Variants in PDPR observed in about 807,000 individuals in gnomAD.
PDPR encodes the protein pyruvate dehydrogenase phosphatase regulatory subunit.
A neutral mutation model predicts 102.2 loss-of-function variants in PDPR; 50 were observed. That is an observed-to-expected ratio of 0.49 (90% CI 0.39 to 0.62). The LOEUF is 0.62. PDPR is among the 20% of genes least tolerant of loss of function. The pLI, the probability that PDPR is intolerant of heterozygous loss-of-function variation, is 0.00. For missense variants in PDPR, 625 were observed against 1,098.2 expected, an observed-to-expected ratio of 0.57 and a Z score of 6.09; for synonymous variants, 259 against 406.0, an observed-to-expected ratio of 0.64 and a Z score of 4.35.
At chr16:70,153,963 A>T (rs1218341455) in intron 18 of PDPR, among the ~76,000 whole-genome samples, 2 of 152,092 alleles carry the variant, frequency 1.3e-5, no homozygotes, top group East Asian at 3.9e-4. Context: ...GCGGATCACA[A>T]GTTCAGGAGA....
At chr16:70,153,339 A>G (rs1966844800) in intron 17 of PDPR, 52 bp from the exon 18 acceptor site, 2 of 1,554,986 alleles carry the variant, frequency 1.3e-6, no homozygotes, top group African/African-American at 1.4e-5. Flanking sequence ...GACATGCTCC[A>G]TGCTTAATTC....
intron 3 of PDPR, among the ~76,000 whole-genome samples, chr16:70,123,481 G>A (rs959580898): frequency 5.3e-5 from 8 of 152,188 alleles, no homozygotes; most frequent in African/African-American, 1.9e-4. Flanking sequence ...CAAGTGATCC[G>A]CCCACCTCAA....
In PDPR at chr16:70,156,886, C is replaced by G; in HGVS notation, c.*7C>G. The stretch of plus-strand genomic sequence containing the variant: ...TGACTTACATGGGAAGTGATGCCAC[C>G]AGGGCAGCCTCACCTCCTCCCCATC... On this transcript the variant is annotated 3_prime_UTR_variant, in exon 19 of 19. Transcript: ENST00000288050. 1 of 1,612,056 alleles carries G rather than the reference C, an allele frequency of 6.2e-7. No individual in the cohort carries two copies. The highest frequency in any genetic ancestry group is 8.5e-7 in the Non-Finnish European group (1 of 1,179,008).
intron 3 of PDPR, among the ~76,000 whole-genome samples, chr16:70,124,252 A>G (rs575331691): frequency 1.3e-5 from 2 of 152,332 alleles, no homozygotes; most frequent in South Asian, 4.1e-4. Context: ...AATTGTAGCT[A>G]CTCAGGAGGC....
In PDPR at chr16:70,161,402, C is replaced by T. The variant is rs1321624682; in HGVS notation, c.*4523C>T. On this transcript the variant is annotated 3_prime_UTR_variant, in exon 19 of 19. Coordinates refer to ENST00000288050, the MANE Select transcript of PDPR (RefSeq NM_017990.5). ...CCATCCCCCACACACCCCTCACGAA[C>T]ATTGATATAAGCAGTATTAACACAG... The T allele has an allele frequency of 6.5e-6, 1 of 153,614 alleles. No individual in the cohort carries two copies. The highest frequency in any genetic ancestry group is 1.4e-5 in the Non-Finnish European group (1 of 69,188). 9.5% of individuals were successfully genotyped at this position (153,614 alleles called of 1,614,324 possible). A position where few individuals can be genotyped will look rare whatever the true frequency, so the allele number is the denominator to read the frequency against.
chr16:70,132,739 T>C (rs1435931907), intron 9 of PDPR, among the ~76,000 whole-genome samples: 1 of 152,186 alleles, frequency 6.6e-6, no homozygotes. Flanking sequence ...CCCTTTCACC[T>C]TGGCCTCCCA....
In PDPR at chr16:70,159,078, A is replaced by G. The variant is rs1339744333; in HGVS notation, c.*2199A>G. ...TAGTTTAAAATCGAATAGTGCCATC[A>G]TCACAGTATATTAGTCAAATAGAAG... On this transcript the variant is annotated 3_prime_UTR_variant, in exon 19 of 19. Transcript: ENST00000288050. 1.3e-5 allele frequency: 2 copies of G among 152,364 alleles called. No homozygotes were observed. Among genetic ancestry groups the G allele is most frequent in the Non-Finnish European group, 2.9e-5 (2 of 68,084 alleles). The allele number at this position is 152,364 out of a possible 1,614,324, so 9.4% of individuals were successfully genotyped here.
intron 9 of PDPR, among the ~76,000 whole-genome samples, chr16:70,135,304 T>A (rs554870879): frequency 2.3e-3 from 349 of 151,836 alleles, no homozygotes; most frequent in African/African-American, 8.2e-3. Context: ...TGTCACGATC[T>A]CTGCTCACTT....
chr16:70,133,088 G>A (rs1174880530), intron 9 of PDPR, among the ~76,000 whole-genome samples: 1 of 149,202 alleles, frequency 6.7e-6, no homozygotes, highest in Admixed American at 6.8e-5. Flanking sequence ...GTGATTACGG[G>A]CATGAGCCAT....
chr16:70,135,211 C>A (rs1275634740), intron 9 of PDPR, among the ~76,000 whole-genome samples: 1 of 151,462 alleles, frequency 6.6e-6, no homozygotes, highest in Non-Finnish European at 1.5e-5. Context: ...CTGTCTTTTG[C>A]AGCTATTCCA....
chr16:70,150,276 G>A (rs1187715387), intron 17 of PDPR, among the ~76,000 whole-genome samples: 4 of 151,754 alleles, frequency 2.6e-5, no homozygotes, highest in African/African-American at 9.7e-5. Context: ...ACTAATTTTT[G>A]TATTTTTAGT....
chr16:70,130,311 T>A (rs1285494066), intron 6 of PDPR, 112 bp from the exon 7 acceptor site: 3 of 1,205,682 alleles, frequency 2.5e-6, no homozygotes, highest in Admixed American at 2.7e-5. Flanking sequence ...AAAAATAAAT[T>A]AAAGCATTGA....
chr16:70,129,165 A>G, intron 6 of PDPR, 43 bp downstream of exon 6: 1 of 1,613,718 alleles, frequency 6.2e-7, no homozygotes, highest in Non-Finnish European at 8.5e-7. Context: ...TTAGCAGGGA[A>G]GACATTACCT....
intron 18 of PDPR, 178 bp from the exon 19 acceptor site, chr16:70,156,297 T>C (rs1323817608): frequency 1.4e-6 from 1 of 725,030 alleles, no homozygotes; most frequent in Non-Finnish European, 2.2e-6. Flanking sequence ...TCTTTTATAT[T>C]TCACATGCAG....
chr16:70,153,611 C>T (rs760308512), intron 18 of PDPR, 38 bp downstream of exon 18: 33 of 1,543,416 alleles, frequency 2.1e-5, no homozygotes, highest in Non-Finnish European at 2.9e-5. Flanking sequence ...CACTCAGCAT[C>T]CCGAGTAGTG....
Position 70,154,155 on chromosome 16 carries a change from CAA to C in PDPR, c.2235+594_2235+595del, listed in dbSNP as rs373174907. On this transcript the variant is annotated intron_variant, in intron 18 of 18. Coordinates refer to ENST00000288050, the MANE Select transcript of PDPR (RefSeq NM_017990.5). ...TGGGCGACAGAGCGAGACTCCGTCT[CAA>C]AAAAAAAAAAATTTACAAAAAGTAG... Among the ~76,000 whole-genome samples the C allele has an allele frequency of 4.5e-3, 674 of 148,484 alleles. 5 individuals carry two copies. The highest frequency in any genetic ancestry group is 0.015 in the African/African-American group (624 of 40,488).
chr16:70,140,777 T>C (rs949646762), intron 11 of PDPR, among the ~76,000 whole-genome samples: 4 of 152,102 alleles, frequency 2.6e-5, no homozygotes, highest in African/African-American at 9.7e-5. Flanking sequence ...ATCTCACCAC[T>C]GCACTCTAGC....
chr16:70,130,854 A>G (rs1964470078), intron 7 of PDPR, among the ~76,000 whole-genome samples: 1 of 152,290 alleles, frequency 6.6e-6, no homozygotes. Flanking sequence ...AGCAAATAAC[A>G]TATTAGGCTA....
rs756928194 is a variant in PDPR, at chr16:70,120,640, G to C, written c.148G>C (p.Gly50Arg). The change falls in exon 3 of 19, where the codon GGT becomes CGT. Residue 50 changes from glycine to arginine, a missense_variant. Physicochemically the swap from Gly to Arg is moderately radical, Grantham distance 125 (BLOSUM62 -2). Coordinates refer to ENST00000288050, the MANE Select transcript of PDPR (RefSeq NM_017990.5). ...PTQAQVVICG[G>R]GITGTSVAYH... The stretch of plus-strand genomic sequence containing the variant: ...CCAGGCACAGGTGGTCATCTGTGGA[G>C]GTGGAATCACGGGCACTTCTGTGGC... 17 of 1,613,798 alleles carry C rather than the reference G, an allele frequency of 1.1e-5. No homozygotes were observed. The highest frequency in any genetic ancestry group is 3.3e-5 in the Admixed American group (2 of 59,996).
Sources: gnomAD v4.1 joint callset for allele counts (sites outside exome capture counted in the v4.1 genomes callset) on GRCh38, gnomAD v4.1.1 for gene constraint, MANE v1.5 for transcripts, NCBI Gene and HGNC (gene_info 2026-07-23, HGNC 2026-07-21) for gene names.